The following SEC63 variants were observed in gnomAD, a reference collection of about 807,000 sequenced individuals.
SEC63 encodes the protein translocation protein SEC63 homolog.
Under a neutral mutation model 116.2 loss-of-function variants are expected in SEC63, and 56 were observed. The ratio of observed to expected loss-of-function variants is 0.48; its 90% CI spans 0.39 to 0.60. The LOEUF (loss-of-function observed/expected upper bound fraction) is 0.60, where lower values mean the gene tolerates loss of function less well. Among genes scored for constraint, SEC63 ranks in the 20% least tolerant of loss-of-function variants. The pLI is 0.00. For missense variants in SEC63, 668 were observed against 900.0 expected (o/e 0.74, Z 3.30); for synonymous variants, 273 against 294.6 (o/e 0.93, Z 0.75).
At position 107,955,805 on chromosome 6, in the gene SEC63, C is replaced by T. The variant is rs943780276; in HGVS notation, c.124+2081G>A. Reference sequence around the variant, plus strand: ...GGAAGCTGTGGCAGAACTGCTTGAACCCAGCAGGTGGAGGCTGCAATGAGT... The same window carrying T: ...GGAAGCTGTGGCAGAACTGCTTGAATCCAGCAGGTGGAGGCTGCAATGAGT... On this transcript the variant is annotated intron_variant, in intron 1 of 20. Coordinates refer to ENST00000369002, the MANE Select transcript of SEC63 (RefSeq NM_007214.5). 3.9e-5 allele frequency among the ~76,000 whole-genome samples: 6 copies of T among 152,068 alleles called. No individual in the cohort carries two copies. In the South Asian group the frequency reaches 8.3e-4, roughly 21 times the overall value.
chr6:107,916,527 G>T (rs1787403311), intron 4 of SEC63, among the ~76,000 whole-genome samples: 1 of 152,184 alleles, frequency 6.6e-6, no homozygotes, highest in African/African-American at 2.4e-5. Context: ...TTATAACTTA[G>T]TATGCTATTG....
intron 18 of SEC63, among the ~76,000 whole-genome samples, chr6:107,879,448 T>A (rs1300849968): frequency 2.6e-5 from 4 of 152,218 alleles, no homozygotes; most frequent in South Asian, 2.1e-4. Flanking sequence ...TGCCTCAGCC[T>A]CCTGAGTGGT....
intron 17 of SEC63, among the ~76,000 whole-genome samples, chr6:107,882,636 A>G (rs1474485132): frequency 6.6e-6 from 1 of 152,112 alleles, no homozygotes; most frequent in Non-Finnish European, 1.5e-5. Context: ...AGTAAGCACT[A>G]TGCATTTCAC....
intron 14 of SEC63, among the ~76,000 whole-genome samples, chr6:107,895,379 AAAC>A (rs987779674): frequency 2.6e-5 from 4 of 152,136 alleles, no homozygotes; most frequent in African/African-American, 7.2e-5. Flanking sequence ...GCTATAATAA[AAAC>A]AACATCTTTG....
rs779791254 is a variant in SEC63 at position 107,901,468 on chromosome 6, C to T, written c.1259G>A (p.Arg420His). 54 of 1,608,546 alleles carry T rather than the reference C, an allele frequency of 3.4e-5. No individual in the cohort carries two copies. Among genetic ancestry groups the T allele is most frequent in the Admixed American group, 1.3e-4 (8 of 59,916 alleles). ...TTCAAGGAAGTGCAGTAGAGTGTGACGATCTGATTCTTTTAAACTCACCAA... is the reference window on the plus strand; with the variant it reads ...TTCAAGGAAGTGCAGTAGAGTGTGATGATCTGATTCTTTTAAACTCACCAA... ...QDLVSLKESDRHTLLHFLEDE... is the reference protein window; with the variant it reads ...QDLVSLKESDHHTLLHFLEDE... Residue 420 changes from arginine to histidine, a missense_variant, in exon 13 of 21, where the codon CGT becomes CAT. Around this residue, in one of 5 missense-constraint regions of SEC63, gnomAD observed 430 missense variants for 557.5 expected, o/e 0.77. Transcript: ENST00000369002.
At chr6:107,925,209 A>C (rs1156912374) in intron 2 of SEC63, among the ~76,000 whole-genome samples, 1 of 152,236 alleles carries the variant, frequency 6.6e-6, no homozygotes, top group Non-Finnish European at 1.5e-5. Context: ...TCAACTTATT[A>C]ACTTACTGGA....
intron 2 of SEC63, among the ~76,000 whole-genome samples, chr6:107,925,153 G>C (rs1787647061): frequency 6.6e-6 from 1 of 152,074 alleles, no homozygotes; most frequent in Non-Finnish European, 1.5e-5. Context: ...ACTATTCATA[G>C]ATTTTCTCAG....
rs551327259 is a variant in SEC63 at position 107,869,652 on chromosome 6, T to C, written c.*2052A>G. 4 of 152,258 alleles carry C rather than the reference T, an allele frequency of 2.6e-5. No homozygotes were observed. The highest frequency in any genetic ancestry group is 2.1e-4 in the South Asian group (1 of 4,830). The allele number at this position is 152,258 out of a possible 1,614,324, so 9.4% of individuals were successfully genotyped here. Reference sequence around the variant, plus strand: ...GCTCAGTTCTTTCACTACTGCCATATGGAAAGAGGTTACCTAAAGCACTCA... The same window carrying C: ...GCTCAGTTCTTTCACTACTGCCATACGGAAAGAGGTTACCTAAAGCACTCA... On this transcript the variant is annotated 3_prime_UTR_variant, in exon 21 of 21. Coordinates refer to ENST00000369002, the MANE Select transcript of SEC63 (RefSeq NM_007214.5).
intron 1 of SEC63, among the ~76,000 whole-genome samples, chr6:107,934,418 G>A (rs34714883): frequency 3.7e-4 from 55 of 148,908 alleles, no homozygotes; most frequent in African/African-American, 1.8e-4. Context: ...CCGCGGCCCC[G>A]TCTGGGATGT....
intron 11 of SEC63, among the ~76,000 whole-genome samples, chr6:107,903,780 T>C: frequency 6.6e-6 from 1 of 152,150 alleles, no homozygotes; most frequent in East Asian, 1.9e-4. Flanking sequence ...AAAAATGACC[T>C]AACTCAAAAA....
At position 107,931,211 on chromosome 6, in the gene SEC63, G is replaced by A. The variant is rs563606729; in HGVS notation, c.125-1697C>T. On this transcript the variant is annotated intron_variant, in intron 1 of 20. Coordinates refer to ENST00000369002, the MANE Select transcript of SEC63 (RefSeq NM_007214.5). Reference sequence around the variant, plus strand: ...TACAAAATTAGCCAGGTGTGGTGGCGCGTGCCTGTAATCCCAGTTACTCAG... The same window carrying A: ...TACAAAATTAGCCAGGTGTGGTGGCACGTGCCTGTAATCCCAGTTACTCAG... Among the ~76,000 whole-genome samples, 9 of 150,984 alleles carry A rather than the reference G, an allele frequency of 6.0e-5. No individual in the cohort carries two copies. The South Asian group carries it at 1.1e-3, about 18-fold the overall frequency.
intron 1 of SEC63, among the ~76,000 whole-genome samples, chr6:107,935,926 G>A (rs557705920): frequency 3.3e-5 from 5 of 152,098 alleles, no homozygotes; most frequent in South Asian, 2.1e-4. Context: ...ATGAGATGGC[G>A]GTAATGTTAA....
intron 1 of SEC63, among the ~76,000 whole-genome samples, chr6:107,930,333 G>A (rs183135402): frequency 7.0e-4 from 107 of 151,782 alleles, no homozygotes; most frequent in African/African-American, 2.3e-3. Context: ...AAAGGGGGCC[G>A]GGCGCGGTGG....
chr6:107,878,883 A>G lies in SEC63; in HGVS notation c.1936-2221T>C, dbSNP rs185919237. Among the ~76,000 whole-genome samples, 3 of 152,286 alleles carry G rather than the reference A, an allele frequency of 2.0e-5. No individual in the cohort carries two copies. In the East Asian group the frequency reaches 5.8e-4, roughly 29 times the overall value. On this transcript the variant is annotated intron_variant, in intron 18 of 20. Transcript: ENST00000369002. The stretch of plus-strand genomic sequence containing the variant: ...AAAAAAAAAAGAATATTTATTAAGA[A>G]GCCAGTGAATATCAATCAACAGCAC...
At chr6:107,944,336 T>G (rs147131067) in intron 1 of SEC63, among the ~76,000 whole-genome samples, 1 of 152,156 alleles carries the variant, frequency 6.6e-6, no homozygotes, top group Non-Finnish European at 1.5e-5. Flanking sequence ...TAGAAAGATC[T>G]CTATTAGATA....
chr6:107,942,114 T>C (rs960202726), intron 1 of SEC63, among the ~76,000 whole-genome samples: 10 of 152,344 alleles, frequency 6.6e-5, no homozygotes, highest in South Asian at 2.1e-4. Context: ...TAATTAGATA[T>C]ATAAAATGTT....
At chr6:107,888,428 T>C (rs1453831423) in intron 16 of SEC63, among the ~76,000 whole-genome samples, 1 of 152,226 alleles carries the variant, frequency 6.6e-6, no homozygotes, top group Non-Finnish European at 1.5e-5. Flanking sequence ...CTTGTGATTT[T>C]TGCACATTGA....
At chr6:107,911,426 C>T (rs1443275358) in intron 6 of SEC63, 30 bp from the exon 7 acceptor site, 9 of 1,471,166 alleles carry the variant, frequency 6.1e-6, no homozygotes, top group Non-Finnish European at 8.6e-6. Context: ...GAATTATGGC[C>T]TTCGTCAGGT....
intron 2 of SEC63, among the ~76,000 whole-genome samples, chr6:107,928,220 C>T (rs982655688): frequency 3.9e-5 from 6 of 152,150 alleles, no homozygotes; most frequent in East Asian, 1.9e-4. Flanking sequence ...AGGTGGCTCA[C>T]GCCTGTGATC....
Sources: allele counts gnomAD v4.1 joint callset (sites outside exome capture counted in the v4.1 genomes callset), GRCh38; gene constraint gnomAD v4.1.1; regional missense constraint gnomAD v4.1.1; transcripts MANE v1.5; gene names NCBI Gene and HGNC (gene_info 2026-07-23, HGNC 2026-07-21).